COL25A1: variants seen among roughly 807,000 people sequenced by gnomAD.
COL25A1 encodes the protein collagen alpha-1(XXV) chain.
In COL25A1, 103 loss-of-function variants were observed where a neutral mutation model predicts 128.4. That is an observed-to-expected ratio of 0.80 (90% CI 0.68 to 0.94). The LOEUF is 0.94. Among genes scored for constraint, COL25A1 ranks in the 40% least tolerant of loss-of-function variants. The pLI, the probability that COL25A1 is intolerant of heterozygous loss-of-function variation, is 0.00. For synonymous variants in COL25A1, 279 were observed against 277.2 expected (o/e 1.01, Z -0.06); for missense variants, 745 against 840.0 (o/e 0.89, Z 1.40).
chr4:109,260,319 A>AT (rs1412261708), intron 3 of COL25A1, among the ~76,000 whole-genome samples: 1 of 152,224 alleles, frequency 6.6e-6, no homozygotes, highest in African/African-American at 2.4e-5. Context: ...ACTGGGTCAA[A>AT]TTTTTTTTAA....
intron 3 of COL25A1, among the ~76,000 whole-genome samples, chr4:109,248,414 T>C (rs1017713119): frequency 2.0e-5 from 3 of 152,158 alleles, no homozygotes; most frequent in African/African-American, 7.2e-5. Flanking sequence ...GCAATTGTGT[T>C]GATGAAGTCC....
intron 3 of COL25A1, among the ~76,000 whole-genome samples, chr4:109,274,266 A>G (rs186887069): frequency 2.9e-4 from 44 of 152,268 alleles, no homozygotes; most frequent in African/African-American, 1.1e-3. Context: ...AATTAAACAT[A>G]CCCTAATTTT....
At chr4:108,841,255 G>C (rs892671491) in intron 31 of COL25A1, among the ~76,000 whole-genome samples, 1 of 152,032 alleles carries the variant, frequency 6.6e-6, no homozygotes, top group East Asian at 1.9e-4. Context: ...TGACCTCTGG[G>C]CGAGTACAAA....
rs114732651 is a variant in COL25A1, at chr4:109,299,042, A to G, written c.367+1541T>C. ...CTACATTAAACATCACGAAACAATT[A>G]TATCTTCTCAAAAAATAGAACTCAA... On this transcript the variant is annotated intron_variant, in intron 3 of 37. Coordinates refer to ENST00000399132, the MANE Select transcript of COL25A1 (RefSeq NM_198721.4). Among the ~76,000 whole-genome samples the G allele has an allele frequency of 4.3e-3, 655 of 152,368 alleles. 4 individuals are homozygous for G. The highest frequency in any genetic ancestry group is 7.3e-3 in the Non-Finnish European group (494 of 68,024).
At chr4:109,246,660 T>TA (rs1780286600) in intron 3 of COL25A1, among the ~76,000 whole-genome samples, 1 of 152,286 alleles carries the variant, frequency 6.6e-6, no homozygotes. Context: ...TTAATTATTC[T>TA]AAAAAATTGA....
At chr4:109,136,450 A>G (rs1186911503) in intron 3 of COL25A1, among the ~76,000 whole-genome samples, 3 of 152,248 alleles carry the variant, frequency 2.0e-5, no homozygotes, top group Non-Finnish European at 1.5e-5. Context: ...ATAATTGAAG[A>G]AAGAGCAAGA....
chr4:109,067,402 A>C (rs1451130278), intron 3 of COL25A1, among the ~76,000 whole-genome samples: 1 of 152,174 alleles, frequency 6.6e-6, no homozygotes, highest in African/African-American at 2.4e-5. Context: ...TTTAATCTAA[A>C]CACAGTGAAA....
In COL25A1 at chr4:108,808,960, T is replaced by C. The variant is rs1197566061; in HGVS notation, c.*4967A>G. Reference sequence around the variant, plus strand: ...TTATCTCCAAACCGCAAATCAAAAATCTTATGCATCTTTTGATACAGTAAT... The same window carrying C: ...TTATCTCCAAACCGCAAATCAAAAACCTTATGCATCTTTTGATACAGTAAT... On this transcript the variant is annotated 3_prime_UTR_variant, in exon 38 of 38. Coordinates refer to ENST00000399132, the MANE Select transcript of COL25A1 (RefSeq NM_198721.4). 2.0e-5 allele frequency: 3 copies of C among 152,156 alleles called. No individual in the cohort carries two copies. The highest frequency in any genetic ancestry group is 7.2e-5 in the African/African-American group (3 of 41,446). The allele number at this position is 152,156 out of a possible 1,614,324, so 9.4% of individuals were successfully genotyped here. A position where few individuals can be genotyped will look rare whatever the true frequency, so the allele number is the denominator to read the frequency against.
chr4:109,290,829 A>C (rs1724401186), intron 3 of COL25A1, among the ~76,000 whole-genome samples: 1 of 152,096 alleles, frequency 6.6e-6, no homozygotes, highest in Non-Finnish European at 1.5e-5. Context: ...ACTACATTCA[A>C]AGCCATCCTG....
chr4:108,957,988 T>C (rs1750264860), intron 8 of COL25A1, among the ~76,000 whole-genome samples: 1 of 152,160 alleles, frequency 6.6e-6, no homozygotes, highest in South Asian at 2.1e-4. Flanking sequence ...TTCAGATGCA[T>C]TCAACTCTTT....
intron 3 of COL25A1, among the ~76,000 whole-genome samples, chr4:109,153,991 C>A (rs1771793463): frequency 6.6e-6 from 1 of 152,074 alleles, no homozygotes; most frequent in Non-Finnish European, 1.5e-5. Flanking sequence ...TGTCCCTGAG[C>A]AATTAGAAAC....
intron 16 of COL25A1, among the ~76,000 whole-genome samples, chr4:108,895,569 C>T (rs999882968): frequency 6.6e-6 from 1 of 152,078 alleles, no homozygotes; most frequent in Non-Finnish European, 1.5e-5. Flanking sequence ...AGTATAAATG[C>T]TAATAATGGT....
intron 8 of COL25A1, among the ~76,000 whole-genome samples, chr4:108,947,484 A>G (rs1475260591): frequency 1.3e-5 from 2 of 151,922 alleles, no homozygotes; most frequent in Admixed American, 1.3e-4. Flanking sequence ...GAAAGAAAGA[A>G]AGGTGAGAAT....
At chr4:109,190,988 A>G (rs2126161619) in intron 3 of COL25A1, among the ~76,000 whole-genome samples, 1 of 152,344 alleles carries the variant, frequency 6.6e-6, no homozygotes. Flanking sequence ...GATCTGTGGC[A>G]TAAAGCCTAT....
At chr4:108,976,181 T>C (rs1203113242) in intron 6 of COL25A1, among the ~76,000 whole-genome samples, 1 of 152,194 alleles carries the variant, frequency 6.6e-6, no homozygotes, top group Non-Finnish European at 1.5e-5. Flanking sequence ...GCTATTTTTT[T>C]AGCTAAAGTT....
chr4:109,030,130 C>A (rs571681423), intron 5 of COL25A1, among the ~76,000 whole-genome samples: 1 of 152,180 alleles, frequency 6.6e-6, no homozygotes, highest in Admixed American at 6.5e-5. Context: ...GAGACACAAG[C>A]AGCAGAAGGC....
intron 3 of COL25A1, among the ~76,000 whole-genome samples, chr4:109,156,587 A>G (rs1314046612): frequency 6.6e-6 from 1 of 152,188 alleles, no homozygotes; most frequent in African/African-American, 2.4e-5. Context: ...CTATTGCTAC[A>G]TCAACTACAA....
chr4:109,191,727 A>G (rs538712335), intron 3 of COL25A1, among the ~76,000 whole-genome samples: 2 of 152,334 alleles, frequency 1.3e-5, no homozygotes, highest in South Asian at 4.1e-4. Flanking sequence ...GTTTTTTAAA[A>G]TTTATGTCAC....
chr4:109,046,953 C>T (rs1256385641), intron 5 of COL25A1, among the ~76,000 whole-genome samples: 1 of 152,156 alleles, frequency 6.6e-6, no homozygotes, highest in Admixed American at 6.5e-5. Context: ...TACTCAAAAA[C>T]ACATCTAGCT....
Sources: allele counts gnomAD v4.1 joint callset (sites outside exome capture counted in the v4.1 genomes callset), GRCh38; gene constraint gnomAD v4.1.1; transcripts MANE v1.5; gene names NCBI Gene and HGNC (gene_info 2026-07-23, HGNC 2026-07-21).